The following CCDC170 variants were observed in gnomAD, a reference collection of about 807,000 sequenced individuals.
The protein encoded by CCDC170 is coiled-coil domain containing 170.
In CCDC170, 69 loss-of-function variants were observed where a neutral mutation model predicts 72.6. The observed-to-expected ratio is 0.95, with a 90% confidence interval of 0.78 to 1.16. The LOEUF (loss-of-function observed/expected upper bound fraction) is 1.16. Ranked by LOEUF, CCDC170 falls within the 50% of genes most tolerant of loss-of-function variation. The pLI, the probability that CCDC170 is intolerant of heterozygous loss-of-function variation, is 0.00. For synonymous variants in CCDC170, 300 were observed against 303.9 expected, an observed-to-expected ratio of 0.99 and a Z score of 0.13; for missense variants, 852 against 832.5, an observed-to-expected ratio of 1.02 and a Z score of -0.29.
chr6:151,505,460 G>A (rs888574268), intron 1 of CCDC170, among the ~76,000 whole-genome samples: 1 of 152,016 alleles, frequency 6.6e-6, no homozygotes, highest in Non-Finnish European at 1.5e-5. Flanking sequence ...GAGGTGGGCA[G>A]GTCACGAGGT....
intron 4 of CCDC170, among the ~76,000 whole-genome samples, chr6:151,545,300 T>A (rs1170397687): frequency 6.6e-6 from 1 of 151,952 alleles, no homozygotes; most frequent in African/African-American, 2.4e-5. Context: ...GTGCCTGTAA[T>A]CCCAGCTAAT....
intron 1 of CCDC170, among the ~76,000 whole-genome samples, chr6:151,521,558 G>A (rs1320176413): frequency 6.6e-6 from 1 of 152,150 alleles, no homozygotes; most frequent in African/African-American, 2.4e-5. Flanking sequence ...TTAGTTAACA[G>A]GATATTTACA....
intron 9 of CCDC170, among the ~76,000 whole-genome samples, chr6:151,611,619 A>G (rs911971707): frequency 8.6e-5 from 13 of 152,020 alleles, no homozygotes; most frequent in Admixed American, 8.5e-4. Flanking sequence ...GAATTTCAAC[A>G]TATGAATTTA....
intron 6 of CCDC170, among the ~76,000 whole-genome samples, chr6:151,578,255 G>C (rs1169023968): frequency 6.6e-6 from 1 of 152,146 alleles, no homozygotes; most frequent in Non-Finnish European, 1.5e-5. Flanking sequence ...ACCGCAACTG[G>C]GCGGCTTAAA....
At position 151,544,682 on chromosome 6, in the gene CCDC170, A is replaced by C; in HGVS notation, c.554A>C (p.Asn185Thr). The change falls in exon 4 of 11, where the codon AAT becomes ACT. Residue 185 changes from asparagine to threonine, a missense_variant. Coordinates refer to ENST00000239374, the MANE Select transcript of CCDC170 (RefSeq NM_025059.4). ...LRDCLDPDERNDKASDEDLIL... is the reference protein window; with the variant it reads ...LRDCLDPDERTDKASDEDLIL... ...GACTGCTTGGATCCAGATGAGAGGA[A>C]TGACAAGGCATCAGATGAAGATTTA... is the stretch of plus-strand genomic sequence containing the variant. The C allele has an allele frequency of 6.2e-7, 1 of 1,612,908 alleles. No homozygotes were observed. The highest frequency in any genetic ancestry group is 1.1e-5 in the South Asian group (1 of 90,996).
chr6:151,564,289 C>T (rs566808870), intron 5 of CCDC170, among the ~76,000 whole-genome samples: 3 of 152,184 alleles, frequency 2.0e-5, no homozygotes, highest in Admixed American at 1.3e-4. Flanking sequence ...TCATTGGTGT[C>T]CATTATTTCC....
rs371700876 is a variant in CCDC170, at chr6:151,577,675, G to C, written c.1092+4184G>C. 3.9e-5 allele frequency among the ~76,000 whole-genome samples: 6 copies of C among 152,186 alleles called. No individual in the cohort carries two copies. The East Asian group carries it at 7.7e-4, about 20-fold the overall frequency. On this transcript the variant is annotated intron_variant, in intron 6 of 10. Coordinates refer to ENST00000239374, the MANE Select transcript of CCDC170 (RefSeq NM_025059.4). ...AGCAAGGGTCTCCAACCCTCTGGCT[G>C]CGCACCCGCACCAGTGCCTGGCCTA...
intron 5 of CCDC170, among the ~76,000 whole-genome samples, chr6:151,558,267 G>A (rs1012464578): frequency 4.5e-5 from 4 of 89,156 alleles, no homozygotes; most frequent in Non-Finnish European, 6.4e-5. Flanking sequence ...ATGTTGACTT[G>A]CTTGAGTTCC....
intron 1 of CCDC170, among the ~76,000 whole-genome samples, chr6:151,505,679 G>C (rs539058924): frequency 1.2e-4 from 18 of 151,316 alleles, no homozygotes; most frequent in Non-Finnish European, 2.5e-4. Context: ...GCGAGACTCC[G>C]TCTCAAAAAA....
At chr6:151,530,549 C>T (rs1291425699) in intron 1 of CCDC170, among the ~76,000 whole-genome samples, 1 of 151,834 alleles carries the variant, frequency 6.6e-6, no homozygotes, top group African/African-American at 2.4e-5. Flanking sequence ...TCAAGTGATT[C>T]TCCTGCCTCA....
intron 1 of CCDC170, among the ~76,000 whole-genome samples, chr6:151,518,881 T>A (rs1161580604): frequency 6.6e-6 from 1 of 152,164 alleles, no homozygotes; most frequent in Non-Finnish European, 1.5e-5. Context: ...AAAGATCACA[T>A]GCTTCAGAGG....
chr6:151,599,376 A>G (rs1469411445), intron 9 of CCDC170, among the ~76,000 whole-genome samples: 1 of 152,200 alleles, frequency 6.6e-6, no homozygotes, highest in Non-Finnish European at 1.5e-5. Flanking sequence ...CTGTCATGGT[A>G]TTTGGTACAA....
intron 10 of CCDC170, among the ~76,000 whole-genome samples, chr6:151,616,748 C>G (rs2115150834): frequency 6.6e-6 from 1 of 152,254 alleles, no homozygotes; most frequent in South Asian, 2.1e-4. Flanking sequence ...AGTCCAAGAT[C>G]AAAGTGTCTG....
chr6:151,525,141 C>T (rs1291543077), intron 1 of CCDC170, among the ~76,000 whole-genome samples: 1 of 152,084 alleles, frequency 6.6e-6, no homozygotes, highest in Non-Finnish European at 1.5e-5. Flanking sequence ...ACTGTGTTAG[C>T]CAGGATAGTC....
chr6:151,546,162 C>A (rs1782769639), intron 4 of CCDC170, among the ~76,000 whole-genome samples: 1 of 152,148 alleles, frequency 6.6e-6, no homozygotes, highest in African/African-American at 2.4e-5. Flanking sequence ...CGCAAGATGA[C>A]TTCATTCGAC....
chr6:151,583,361 G>A (rs559702708), intron 6 of CCDC170, among the ~76,000 whole-genome samples: 7 of 152,098 alleles, frequency 4.6e-5, no homozygotes, highest in Non-Finnish European at 1.0e-4. Context: ...ATTGGAGTAA[G>A]AGGCCCAATT....
intron 1 of CCDC170, among the ~76,000 whole-genome samples, chr6:151,528,916 T>C (rs1782451500): frequency 6.6e-6 from 1 of 152,070 alleles, no homozygotes; most frequent in African/African-American, 2.4e-5. Flanking sequence ...TAACCATAGT[T>C]AACACTTATT....
intron 5 of CCDC170, among the ~76,000 whole-genome samples, chr6:151,566,675 TAGG>T (rs1433470107): frequency 1.3e-5 from 2 of 152,206 alleles, no homozygotes; most frequent in Admixed American, 6.5e-5. Context: ...TCTTTGTGTG[TAGG>T]AGATTAGTAT....
intron 5 of CCDC170, among the ~76,000 whole-genome samples, chr6:151,551,673 A>G (rs1782880856): frequency 6.6e-6 from 1 of 152,132 alleles, no homozygotes; most frequent in Non-Finnish European, 1.5e-5. Flanking sequence ...CCCACGTGGT[A>G]AGGACCTGAG....
Sources: allele counts gnomAD v4.1 joint callset (sites outside exome capture counted in the v4.1 genomes callset), GRCh38; gene constraint gnomAD v4.1.1; transcripts MANE v1.5; gene names NCBI Gene and HGNC (gene_info 2026-07-23, HGNC 2026-07-21).